Variants in ODAD2 observed in about 807,000 individuals in gnomAD.
The protein encoded by ODAD2 is outer dynein arm docking complex subunit 2, also known as outer dynein arm-docking complex subunit 2.
Under a neutral mutation model 106.8 loss-of-function variants are expected in ODAD2, and 89 were observed. That is an observed-to-expected ratio of 0.83 (90% confidence interval 0.70 to 0.99). The LOEUF (loss-of-function observed/expected upper bound fraction) is 0.99. Ranked by LOEUF, ODAD2 falls within the 50% of genes least tolerant of loss-of-function variation. The pLI, the probability that ODAD2 is intolerant of heterozygous loss-of-function variation, is 0.00. For synonymous variants in ODAD2, 404 were observed against 436.2 expected (o/e 0.93, Z 0.92); for missense variants, 1,168 against 1,238.5 (o/e 0.94, Z 0.85).
intron 2 of ODAD2, among the ~76,000 whole-genome samples, chr10:27,990,071 G>A (rs1850127197): frequency 6.6e-6 from 1 of 152,130 alleles, no homozygotes; most frequent in African/African-American, 2.4e-5. Context: ...GTGGAAGGGA[G>A]CTAAAAATTC....
intron 2 of ODAD2, among the ~76,000 whole-genome samples, chr10:27,989,108 C>T (rs1025919863): frequency 2.0e-5 from 3 of 152,254 alleles, no homozygotes; most frequent in African/African-American, 7.2e-5. Flanking sequence ...AGGAATGCAA[C>T]CCTGCCGATA....
chr10:27,870,695 T>C (rs1840804858), intron 17 of ODAD2, among the ~76,000 whole-genome samples: 1 of 152,218 alleles, frequency 6.6e-6, no homozygotes, highest in South Asian at 2.1e-4. Flanking sequence ...CATCCTTTTT[T>C]ATGGCTGCAT....
At chr10:27,859,922 T>C (rs551655334) in intron 19 of ODAD2, among the ~76,000 whole-genome samples, 42 of 152,224 alleles carry the variant, frequency 2.8e-4, no homozygotes, top group Non-Finnish European at 5.9e-4. Flanking sequence ...CTAGTTATTG[T>C]TTCAGCCAGT....
chr10:27,987,297 T>A lies in ODAD2; in HGVS notation c.382+89A>T, dbSNP rs555149261. 103 of 1,179,422 alleles carry A rather than the reference T, an allele frequency of 8.7e-5. No individual in the cohort carries two copies. In the African/African-American group the frequency reaches 1.5e-3, roughly 17 times the overall value. 73.1% of individuals were successfully genotyped at this position (1,179,422 alleles called of 1,614,324 possible). On this transcript the variant is annotated intron_variant, in intron 3 of 19. Transcript: ENST00000305242. ...GATTGTAGAATCTTTTTCAAGAGAC[T>A]CTAACAAATGATCCTCCCACCCTTT...
At chr10:27,978,967 T>C (rs1016429908) in intron 7 of ODAD2, among the ~76,000 whole-genome samples, 19 of 151,968 alleles carry the variant, frequency 1.3e-4, no homozygotes, top group African/African-American at 4.4e-4. Context: ...CCCAGCACTT[T>C]GGGAGGCCGA....
At chr10:27,984,977 T>C (rs1030309712) in intron 4 of ODAD2, 42 bp downstream of exon 4, 2 of 1,493,722 alleles carry the variant, frequency 1.3e-6, no homozygotes, top group Non-Finnish European at 1.8e-6. Context: ...TGGTGCAATC[T>C]TGGCTCAATA....
intron 8 of ODAD2, among the ~76,000 whole-genome samples, chr10:27,970,422 C>T (rs1298072899): frequency 2.0e-5 from 3 of 152,132 alleles, no homozygotes; most frequent in Admixed American, 6.6e-5. Context: ...GCTTACTTAA[C>T]CAGGTCTCTA....
chr10:27,964,213 C>T (rs1376138143), intron 9 of ODAD2, among the ~76,000 whole-genome samples: 1 of 152,080 alleles, frequency 6.6e-6, no homozygotes, highest in African/African-American at 2.4e-5. Flanking sequence ...CACAGCAACA[C>T]TCTGTAATAT....
rs147105160 is a variant in ODAD2, at chr10:27,812,226, T to C, written c.*286A>G. 1 of 345,808 alleles carries C rather than the reference T, an allele frequency of 2.9e-6. No homozygotes were observed. Among genetic ancestry groups the C allele is most frequent in the Non-Finnish European group, 5.1e-6 (1 of 194,498 alleles). The allele number at this position is 345,808 out of a possible 1,614,324, so 21.4% of individuals were successfully genotyped here. ...CACAAATACAAAAGCATCACTGAAC[T>C]AAAAATACATCATATACGTATATTC... On this transcript the variant is annotated 3_prime_UTR_variant, in exon 20 of 20. Transcript: ENST00000305242.
intron 17 of ODAD2, among the ~76,000 whole-genome samples, chr10:27,888,752 A>T (rs2133680610): frequency 6.6e-6 from 1 of 152,290 alleles, no homozygotes; most frequent in African/African-American, 2.4e-5. Context: ...AAATTTATAC[A>T]AATAAAAAAT....
intron 17 of ODAD2, among the ~76,000 whole-genome samples, chr10:27,878,420 T>A (rs12780619): frequency 0.51 from 78,296 of 152,048 alleles, 22,459 homozygotes; most frequent in Middle Eastern, 0.68. Context: ...TTAATGGGTA[T>A]GAAATTCCTT....
chr10:27,850,861 T>C (rs1007406876), intron 19 of ODAD2, among the ~76,000 whole-genome samples: 2 of 152,028 alleles, frequency 1.3e-5, no homozygotes, highest in African/African-American at 4.8e-5. Flanking sequence ...CCAGGGAGAA[T>C]GTTTATAGGC....
intron 19 of ODAD2, among the ~76,000 whole-genome samples, chr10:27,836,575 C>A (rs998792424): frequency 6.6e-6 from 1 of 152,156 alleles, no homozygotes; most frequent in Non-Finnish European, 1.5e-5. Flanking sequence ...ATAAAAAGTA[C>A]ATTAGAAACC....
chr10:27,954,325 G>A lies in ODAD2; in HGVS notation c.1386+7243C>T, dbSNP rs559223145. On this transcript the variant is annotated intron_variant, in intron 10 of 19. Transcript: ENST00000305242. ...ATTTTAAGGAACAAAAATAAGTGTT[G>A]TTGCAAATACATGGGGCAAGAAATT... Among the ~76,000 whole-genome samples the A allele has an allele frequency of 3.3e-5, 5 of 152,278 alleles. No homozygotes were observed. In the East Asian group the frequency reaches 9.6e-4, roughly 29 times the overall value.
intron 16 of ODAD2, among the ~76,000 whole-genome samples, chr10:27,909,582 C>T (rs142933661): frequency 3.3e-5 from 5 of 152,042 alleles, no homozygotes; most frequent in African/African-American, 1.2e-4. Context: ...CTTTGAGAGG[C>T]GAAGGCAGGC....
At chr10:27,951,977 AG>A (rs1222876239) in intron 10 of ODAD2, among the ~76,000 whole-genome samples, 1 of 149,496 alleles carries the variant, frequency 6.7e-6, no homozygotes, top group African/African-American at 2.4e-5. Flanking sequence ...TGGGAGGCTG[AG>A]ACAGGAGAAT....
At position 27,944,731 on chromosome 10, in the gene ODAD2, G is replaced by A. The variant is rs147131680; in HGVS notation, c.1533+85C>T. Reference sequence around the variant, plus strand: ...CAGATAAAGACAAGAACCAGGCAACGAGGCATGGCAGAAACCTAGAGCTAA... The same window carrying A: ...CAGATAAAGACAAGAACCAGGCAACAAGGCATGGCAGAAACCTAGAGCTAA... On this transcript the variant is annotated intron_variant, in intron 11 of 19. Transcript: ENST00000305242. The A allele has an allele frequency of 0.015, 22,232 of 1,525,208 alleles. 182 individuals are homozygous for A. The highest frequency in any genetic ancestry group is 0.017 in the Non-Finnish European group (19,377 of 1,113,814). The allele number at this position is 1,525,208 out of a possible 1,614,324, so 94.5% of individuals were successfully genotyped here. A position where few individuals can be genotyped will look rare whatever the true frequency, so the allele number is the denominator to read the frequency against.
chr10:27,983,823 G>T lies in ODAD2; in HGVS notation c.819+20C>A. ...ATCAAAGTCCACTGGCTTTAGTTAC[G>T]TTTTTAAAAATTTACTTACACCATT... On this transcript the variant is annotated intron_variant, in intron 6 of 19. Coordinates refer to ENST00000305242, the MANE Select transcript of ODAD2 (RefSeq NM_018076.5). The T allele has an allele frequency of 6.2e-7, 1 of 1,610,946 alleles. No individual in the cohort carries two copies. The highest frequency in any genetic ancestry group is 8.5e-7 in the Non-Finnish European group (1 of 1,178,280).
At chr10:27,945,325 G>A (rs905848638) in intron 10 of ODAD2, among the ~76,000 whole-genome samples, 14 of 152,198 alleles carry the variant, frequency 9.2e-5, no homozygotes, top group Non-Finnish European at 1.5e-4. Context: ...TGCAAAGCAC[G>A]TCTGAAAATT....
Sources: allele counts gnomAD v4.1 joint callset (sites outside exome capture counted in the v4.1 genomes callset), GRCh38; gene constraint gnomAD v4.1.1; transcripts MANE v1.5; gene names NCBI Gene and HGNC (gene_info 2026-07-23, HGNC 2026-07-21).